Variants in SCARB2 observed in about 807,000 individuals in gnomAD.
SCARB2 encodes the protein scavenger receptor class B member 2, also known as lysosome membrane protein 2.
A neutral mutation model predicts 58.6 loss-of-function variants in SCARB2; 29 were observed. The observed-to-expected ratio is 0.49, with a 90% CI of 0.37 to 0.67. The LOEUF is 0.67. Ranked by LOEUF, SCARB2 falls within the 30% of genes least tolerant of loss-of-function variation. The pLI, the probability that SCARB2 is intolerant of heterozygous loss-of-function variation, is 0.00. For synonymous variants in SCARB2, 195 were observed against 210.1 expected (o/e 0.93, Z 0.62); for missense variants, 488 against 578.5 (o/e 0.84, Z 1.60).
intron 1 of SCARB2, among the ~76,000 whole-genome samples, chr4:76,206,943 G>T (rs1732941794): frequency 6.6e-6 from 1 of 152,034 alleles, no homozygotes. Context: ...GCAAAATCCT[G>T]GTTGTTTGAA....
intron 10 of SCARB2, chr4:76,165,536 T>A (rs1731989221): frequency 6.6e-6 from 1 of 152,158 alleles, no homozygotes; most frequent in African/African-American, 2.4e-5. Context: ...AACATTAGAT[T>A]ACCTTTTAAA....
chr4:76,233,208 T>C (rs1733522397), intron 1 of SCARB2, among the ~76,000 whole-genome samples: 1 of 152,240 alleles, frequency 6.6e-6, no homozygotes, highest in African/African-American at 2.4e-5. Flanking sequence ...TGGTAAGTTG[T>C]TCTAATTGTG....
intron 1 of SCARB2, among the ~76,000 whole-genome samples, chr4:76,202,607 C>T (rs753422164): frequency 6.6e-6 from 1 of 152,132 alleles, no homozygotes; most frequent in African/African-American, 2.4e-5. Flanking sequence ...CATTCCCTAC[C>T]CATTCCATTA....
intron 7 of SCARB2, among the ~76,000 whole-genome samples, chr4:76,171,940 G>A (rs1244259713): frequency 1.3e-5 from 2 of 151,564 alleles, no homozygotes; most frequent in African/African-American, 4.9e-5. Context: ...GGGACCCTGG[G>A]ACATACATGC....
chr4:76,195,743 G>A lies in SCARB2; in HGVS notation c.239C>T (p.Thr80Ile), dbSNP rs756828875. The A allele has an allele frequency of 8.1e-6, 13 of 1,613,950 alleles. No individual in the cohort carries two copies. The change falls in exon 2 of 12, where the codon ACC becomes ATC. Residue 80 changes from threonine (T) to isoleucine (I), a missense_variant. Transcript: ENST00000264896. ...TGGCCCCACTTCTTCCACCCGAGGG[G>A]TCTCCCCTCTGAGGATCTCCTCTGG... ...TNPEEILRGE[T>I]PRVEEVGPYT...
At chr4:76,188,876 C>T (rs1287695038) in intron 2 of SCARB2, among the ~76,000 whole-genome samples, 1 of 152,204 alleles carries the variant, frequency 6.6e-6, no homozygotes, top group Non-Finnish European at 1.5e-5. Flanking sequence ...CTCTTAGCAG[C>T]CTGCACTGCA....
chr4:76,190,167 C>A (rs978785559), intron 2 of SCARB2, among the ~76,000 whole-genome samples: 2 of 151,988 alleles, frequency 1.3e-5, no homozygotes, highest in African/African-American at 4.8e-5. Flanking sequence ...TGCCACCACG[C>A]CTGGCTAATT....
chr4:76,168,887 G>A (rs1732068630), intron 8 of SCARB2, among the ~76,000 whole-genome samples: 1 of 152,226 alleles, frequency 6.6e-6, no homozygotes, highest in Non-Finnish European at 1.5e-5. Flanking sequence ...AGAAGAGGGT[G>A]GTGGTCACTG....
chr4:76,175,860 T>C lies in SCARB2; in HGVS notation c.755A>G (p.Asp252Gly). The C allele has an allele frequency of 6.2e-7, 1 of 1,614,008 alleles. No homozygotes were observed. The highest frequency in any genetic ancestry group is 8.5e-7 in the Non-Finnish European group (1 of 1,179,960). Residue 252 changes from aspartate to glycine, a missense_variant, in exon 6 of 12, where the codon GAT becomes GGT. Physicochemically the swap from Asp to Gly is moderately conservative, Grantham distance 94. Transcript: ENST00000264896. ...TATTAGTGGGTGAAAAGAATCTCCA[T>C]CTGTTCCATTAATCATATTGCACTT... ...TDKCNMINGTDGDSFHPLITK... is the reference protein window; with the variant it reads ...TDKCNMINGTGGDSFHPLITK...
chr4:76,161,793 A>C, intron 11 of SCARB2, 42 bp from the exon 12 acceptor site: 1 of 1,608,900 alleles, frequency 6.2e-7, no homozygotes, highest in East Asian at 2.2e-5. Flanking sequence ...TGTTCATGTC[A>C]GAAACTTCTC....
chr4:76,193,833 G>A (rs572229462), intron 2 of SCARB2: 1 of 152,328 alleles, frequency 6.6e-6, no homozygotes, highest in South Asian at 2.1e-4. Flanking sequence ...AGACTTTGGG[G>A]GACTATTGAG....
intron 1 of SCARB2, among the ~76,000 whole-genome samples, chr4:76,218,854 A>G (rs184225087): frequency 2.0e-3 from 300 of 152,336 alleles, no homozygotes; most frequent in Non-Finnish European, 2.4e-3. Context: ...TATGTCAGCA[A>G]TATTATCTGC....
intron 1 of SCARB2, among the ~76,000 whole-genome samples, chr4:76,197,053 T>C (rs991939108): frequency 6.6e-6 from 1 of 152,182 alleles, no homozygotes; most frequent in Admixed American, 6.5e-5. Context: ...CACGCAGAAC[T>C]GACAGCCCTC....
chr4:76,196,453 G>GCA (rs1732714908), intron 1 of SCARB2, among the ~76,000 whole-genome samples: 2 of 152,310 alleles, frequency 1.3e-5, no homozygotes, highest in South Asian at 4.1e-4. Context: ...AAAACCTAGG[G>GCA]CACAGATTGA....
At chr4:76,216,130 G>A (rs1015976595), upstream of SCARB2, among the ~76,000 whole-genome samples, 3 of 152,064 alleles carry the variant, frequency 2.0e-5, no homozygotes, top group African/African-American at 4.8e-5. Flanking sequence ...GTCCACAATC[G>A]GCAGCCTTTC....
At position 76,213,608 on chromosome 4, in the gene SCARB2, G is replaced by A. The variant is rs563754725; in HGVS notation, c.-65C>T. ...CAGGGATCCAACTGCAAGGAGGGAG[G>A]AGCCGCCGCAGAGGCGTCGAAGACC... On this transcript the variant is annotated 5_prime_UTR_variant, in exon 1 of 12. Transcript: ENST00000264896. 36 of 1,372,802 alleles carry A rather than the reference G, an allele frequency of 2.6e-5. No individual in the cohort carries two copies. The East Asian group carries it at 5.1e-4, about 19-fold the overall frequency. 85.0% of individuals were successfully genotyped at this position (1,372,802 alleles called of 1,614,324 possible).
chr4:76,214,087 A>G (rs1431649867), upstream of SCARB2: 4 of 356,364 alleles, frequency 1.1e-5, no homozygotes, highest in Non-Finnish European at 2.2e-5. Context: ...AAATTGCCGA[A>G]CCTGGTTCAC....
chr4:76,209,235 GATA>G (rs1732991546), intron 1 of SCARB2, among the ~76,000 whole-genome samples: 1 of 152,146 alleles, frequency 6.6e-6, no homozygotes, highest in Non-Finnish European at 1.5e-5. Flanking sequence ...CTTTTAAAAT[GATA>G]TATAGCTGAA....
At position 76,168,447 on chromosome 4, in the gene SCARB2, C is replaced by T; in HGVS notation, c.1143G>A (p.Lys381=). 1 of 1,614,146 alleles carries T rather than the reference C, an allele frequency of 6.2e-7. No individual in the cohort carries two copies. Among genetic ancestry groups the T allele is most frequent in the Middle Eastern group, 1.6e-4 (1 of 6,062 alleles). The change falls in exon 9 of 12, where the codon AAG becomes AAA. Residue 381 remains lysine (K), a synonymous_variant. Transcript: ENST00000264896. ...PLTGIILKAA[K]RFQINIYVKK... ...TGACATAAATGTTGATTTGGAACCT[C>T]TTGGCTGCTTTTAGGATTATTCCAG...
Sources: gnomAD v4.1 joint callset for allele counts (sites outside exome capture counted in the v4.1 genomes callset) on GRCh38, gnomAD v4.1.1 for gene constraint, MANE v1.5 for transcripts, NCBI Gene and HGNC (gene_info 2026-07-23, HGNC 2026-07-21) for gene names.